CAP2: variants seen among roughly 807,000 people sequenced by gnomAD.
CAP2 encodes cyclase associated actin cytoskeleton regulatory protein 2, also known as adenylyl cyclase-associated protein 2.
In CAP2, 24 loss-of-function variants were observed where a neutral mutation model predicts 57.7. The ratio of observed to expected loss-of-function variants is 0.42; its 90% confidence interval spans 0.30 to 0.58. The LOEUF (loss-of-function observed/expected upper bound fraction) is 0.58. CAP2 is among the 20% of genes least tolerant of loss of function. CAP2 has a pLI of 0.22. For synonymous variants in CAP2, 194 were observed against 207.2 expected (o/e 0.94, Z 0.55); for missense variants, 501 against 590.3 (o/e 0.85, Z 1.57).
intron 6 of CAP2, among the ~76,000 whole-genome samples, chr6:17,508,978 A>G (rs1344011905): frequency 6.6e-6 from 1 of 151,938 alleles, no homozygotes; most frequent in Non-Finnish European, 1.5e-5. Flanking sequence ...GATGGTCTCA[A>G]TCTCTTGACC....
At chr6:17,537,657 T>A (rs527340375) in intron 7 of CAP2, among the ~76,000 whole-genome samples, 2 of 152,350 alleles carry the variant, frequency 1.3e-5, no homozygotes, top group African/African-American at 4.8e-5. Context: ...TATTTGATAT[T>A]GAAAATTGAT....
intron 3 of CAP2, among the ~76,000 whole-genome samples, chr6:17,445,975 C>T (rs750933684): frequency 2.0e-5 from 3 of 152,186 alleles, no homozygotes; most frequent in Non-Finnish European, 4.4e-5. Flanking sequence ...AGCAGTGCAA[C>T]AGAGGAATTG....
intron 3 of CAP2, among the ~76,000 whole-genome samples, chr6:17,436,671 G>A (rs561596269): frequency 6.6e-6 from 1 of 152,112 alleles, no homozygotes; most frequent in East Asian, 1.9e-4. Flanking sequence ...CCTTCTGCTT[G>A]TCTCCCTTGC....
intron 4 of CAP2, among the ~76,000 whole-genome samples, chr6:17,485,568 T>C (rs1167555231): frequency 1.3e-5 from 2 of 152,212 alleles, no homozygotes; most frequent in East Asian, 1.9e-4. Flanking sequence ...TCCTTTCTTG[T>C]CAGTCTGTTT....
chr6:17,551,724 G>T, intron 12 of CAP2, 120 bp downstream of exon 12: 1 of 738,258 alleles, frequency 1.4e-6, no homozygotes, highest in Non-Finnish European at 2.2e-6. Flanking sequence ...TTCACAGGCA[G>T]GCGAGGAATT....
chr6:17,458,886 CAAAAAAA>C (rs397779120), intron 3 of CAP2, among the ~76,000 whole-genome samples: 6 of 110,294 alleles, frequency 5.4e-5, no homozygotes, highest in Admixed American at 3.8e-4. Context: ...CACAAAGGAG[CAAAAAAA>C]AAAAAAAAGA....
intron 1 of CAP2, among the ~76,000 whole-genome samples, 151 bp downstream of exon 1, chr6:17,393,897 G>A (rs1469082587): frequency 6.7e-6 from 1 of 149,300 alleles, no homozygotes; most frequent in Non-Finnish European, 1.5e-5. Context: ...AGCGCGAGGG[G>A]AATAAAGGCG....
At chr6:17,495,951 G>A (rs1484202414) in intron 4 of CAP2, among the ~76,000 whole-genome samples, 1 of 138,644 alleles carries the variant, frequency 7.2e-6, no homozygotes, top group East Asian at 2.3e-4. Context: ...AGTGCAGTGG[G>A]GGGATAGCTA....
rs1343295907 is a variant in CAP2 at position 17,556,533 on chromosome 6, C to CT, written c.*92dup. 1 of 896,036 alleles carries CT rather than the reference C, an allele frequency of 1.1e-6. No homozygotes were observed. Among genetic ancestry groups the CT allele is most frequent in the African/African-American group, 1.6e-5 (1 of 61,236 alleles). 55.5% of individuals were successfully genotyped at this position (896,036 alleles called of 1,614,324 possible). ...AAAGAGCTAGAAGTTGCAGTAGCCCCTACTGCTTTAGCTTTGGCCTCCAAC... is the reference window on the plus strand; with the variant it reads ...AAAGAGCTAGAAGTTGCAGTAGCCCCTTACTGCTTTAGCTTTGGCCTCCAAC... On this transcript the variant is annotated 3_prime_UTR_variant, in exon 13 of 13. Transcript: ENST00000229922.
chr6:17,440,740 A>G (rs1438567195), intron 3 of CAP2, among the ~76,000 whole-genome samples: 1 of 150,738 alleles, frequency 6.6e-6, no homozygotes, highest in African/African-American at 2.5e-5. Flanking sequence ...TTACATATGT[A>G]CTCATGTGCC....
chr6:17,469,616 G>C (rs958506491), intron 4 of CAP2, among the ~76,000 whole-genome samples: 1 of 152,114 alleles, frequency 6.6e-6, no homozygotes, highest in Admixed American at 6.6e-5. Flanking sequence ...GACAGAGAGC[G>C]CGTTTCTACT....
At chr6:17,441,066 AT>A (rs1167322524) in intron 3 of CAP2, among the ~76,000 whole-genome samples, 3 of 151,426 alleles carry the variant, frequency 2.0e-5, no homozygotes, top group Non-Finnish European at 4.4e-5. Context: ...AGATTGTTGA[AT>A]TTTTTTCAAA....
chr6:17,518,670 C>T (rs1762324085), intron 7 of CAP2, among the ~76,000 whole-genome samples: 1 of 151,982 alleles, frequency 6.6e-6, no homozygotes, highest in Non-Finnish European at 1.5e-5. Flanking sequence ...CAGGGTCTCA[C>T]TGTGACACCC....
intron 7 of CAP2, among the ~76,000 whole-genome samples, chr6:17,534,485 G>A (rs1762724376): frequency 6.6e-6 from 1 of 152,202 alleles, no homozygotes; most frequent in Admixed American, 6.5e-5. Flanking sequence ...GGCAGGTACT[G>A]TTAGTTCAGA....
intron 4 of CAP2, among the ~76,000 whole-genome samples, chr6:17,496,031 G>GGGT (rs879870953): frequency 0.022 from 2,920 of 134,476 alleles, 343 homozygotes; most frequent in Non-Finnish European, 0.033. Flanking sequence ...TGTGGGTGGG[G>GGGT]GGGGGGGGTA....
At chr6:17,503,836 T>A (rs1335553339) in intron 4 of CAP2, among the ~76,000 whole-genome samples, 2 of 152,138 alleles carry the variant, frequency 1.3e-5, no homozygotes, top group Non-Finnish European at 1.5e-5. Flanking sequence ...TGATTCAAGG[T>A]CTTTTCACCA....
rs1251650653 is a variant in CAP2 at position 17,422,806 on chromosome 6, C to A, written c.121+1130C>A. On this transcript the variant is annotated intron_variant, in intron 2 of 12. Coordinates refer to ENST00000229922, the MANE Select transcript of CAP2 (RefSeq NM_006366.3). ...AATAATTTTTCCAATTCCTTCTTGA[C>A]TAAGGGACAAATAAAAATTACAAAT... Among the ~76,000 whole-genome samples, 5 of 152,184 alleles carry A rather than the reference C, an allele frequency of 3.3e-5. No individual in the cohort carries two copies. The East Asian group carries it at 9.6e-4, about 29-fold the overall frequency.
At chr6:17,521,313 G>A (rs1208240334) in intron 7 of CAP2, among the ~76,000 whole-genome samples, 1 of 152,278 alleles carries the variant, frequency 6.6e-6, no homozygotes, top group East Asian at 1.9e-4. Context: ...CAGCTACCGG[G>A]AGGCTGAGGC....
intron 4 of CAP2, among the ~76,000 whole-genome samples, chr6:17,498,188 G>A (rs1047010668): frequency 2.0e-5 from 3 of 152,190 alleles, no homozygotes; most frequent in African/African-American, 7.2e-5. Context: ...TAGAAATGAT[G>A]AGATGGGAAT....
Sources: allele counts gnomAD v4.1 joint callset (sites outside exome capture counted in the v4.1 genomes callset), GRCh38; gene constraint gnomAD v4.1.1; transcripts MANE v1.5; gene names NCBI Gene and HGNC (gene_info 2026-07-23, HGNC 2026-07-21).